FAM133A: variants seen among roughly 807,000 people sequenced by gnomAD.
FAM133A encodes the protein family with sequence similarity 133 member A.
For synonymous variants in FAM133A, 65 were observed against 58.6 expected (o/e 1.11, Z -0.50); for missense variants, 159 against 164.4 (o/e 0.97, Z 0.18).
chrX:93,678,950 C>T (rs1200344824), intron 2 of FAM133A, among the ~76,000 whole-genome samples: 1 of 111,853 alleles, frequency 8.9e-6, no homozygotes, highest in African/African-American at 3.2e-5. Flanking sequence ...CATCCTTGAC[C>T]TTTCACTTCT....
chrX:93,692,194 A>G (rs146894550), intron 2 of FAM133A, among the ~76,000 whole-genome samples: 1,868 of 111,752 alleles, frequency 0.017, 46 homozygotes, highest in African/African-American at 0.057. Flanking sequence ...AAATGCTCCA[A>G]TGAATATTTC....
chrX:93,688,973 T>C (rs1307720819), intron 2 of FAM133A, among the ~76,000 whole-genome samples: 1 of 111,204 alleles, frequency 9.0e-6, no homozygotes, highest in Non-Finnish European at 1.9e-5. Context: ...CATAAAGGGA[T>C]TATGTTGGAA....
chrX:93,678,781 G>C (rs1274273557), intron 2 of FAM133A, among the ~76,000 whole-genome samples: 1 of 111,642 alleles, frequency 9.0e-6, no homozygotes, highest in Non-Finnish European at 1.9e-5. Context: ...TGTATGTGTG[G>C]GTCTATGTTG....
chrX:93,695,634 CTTT>C (rs759503397), intron 2 of FAM133A, among the ~76,000 whole-genome samples: 3 of 48,369 alleles, frequency 6.2e-5, no homozygotes, highest in African/African-American at 2.3e-4. Flanking sequence ...CAGGAATCTG[CTTT>C]TTTTTTTTTT....
In FAM133A at chrX:93,682,656, C is replaced by T. The variant is rs143499948; in HGVS notation, c.-193+7904C>T. 2.7e-5 allele frequency among the ~76,000 whole-genome samples: 3 copies of T among 111,292 alleles called. No homozygotes were observed. The Admixed American group carries it at 2.9e-4, about 11-fold the overall frequency. ...TTGAGACAAAGTTTTGCTCTTGTTG[C>T]CCATGCTGGAGTGCAATGGTGTGAT... On this transcript the variant is annotated intron_variant, in intron 2 of 3. Transcript: ENST00000683942.
At position 93,709,640 on chromosome X, in the gene FAM133A, A is replaced by T. The variant is rs755749522; in HGVS notation, c.221A>T (p.Glu74Val). 4 of 1,192,734 alleles carry T rather than the reference A, an allele frequency of 3.4e-6. No individual in the cohort carries two copies. In the East Asian group the frequency reaches 1.2e-4, roughly 35 times the overall value. Residue 74 changes from glutamate to valine, a missense_variant, in exon 4 of 4, where the codon GAA becomes GTA. Glu to Val is a moderately radical substitution (Grantham distance 121, BLOSUM62 -2). Transcript: ENST00000683942. ...KMNENWKKEL[E>V]KSREKLLSGN... is the part of the protein sequence containing the mutation. ...AATGAAAATTGGAAGAAAGAACTTG[A>T]AAAAAGCAGAGAGAAATTATTAAGT... is the stretch of plus-strand genomic sequence containing the variant.
chrX:93,704,592 G>C (rs747795340), intron 3 of FAM133A, among the ~76,000 whole-genome samples: 2 of 111,574 alleles, frequency 1.8e-5, no homozygotes, highest in Non-Finnish European at 3.8e-5. Flanking sequence ...AAATTCATTG[G>C]AATCATTTGT....
At chrX:93,673,951 C>G (rs1297821674), upstream of FAM133A, 1 of 99,159 alleles carries the variant, frequency 1.0e-5, no homozygotes, top group African/African-American at 4.0e-5. Flanking sequence ...CCCTGAATTC[C>G]CGTTTAGTTT....
chrX:93,698,361 A>G (rs1926453362), intron 2 of FAM133A, 36 bp from the exon 3 acceptor site: 1 of 111,818 alleles, frequency 8.9e-6, no homozygotes, highest in African/African-American at 3.2e-5. Context: ...AACTTTGACA[A>G]ACATTATCTT....
intron 2 of FAM133A, among the ~76,000 whole-genome samples, chrX:93,679,227 A>G (rs1924932683): frequency 9.0e-6 from 1 of 111,207 alleles, no homozygotes; most frequent in South Asian, 3.8e-4. Flanking sequence ...TTATAGTTAA[A>G]AAAAGAATAG....
Position 93,710,257 on chromosome X carries a change from G to C in FAM133A, c.*91G>C. On this transcript the variant is annotated 3_prime_UTR_variant, in exon 4 of 4. Coordinates refer to ENST00000683942, the MANE Select transcript of FAM133A (RefSeq NM_001171109.2). Reference sequence around the variant, plus strand: ...TTTGAGTTGCCTATCAAATCCCACTGTGCCAGTAAGGGGCATAGTGGCTGC... The same window carrying C: ...TTTGAGTTGCCTATCAAATCCCACTCTGCCAGTAAGGGGCATAGTGGCTGC... 1 of 1,009,148 alleles carries C rather than the reference G, an allele frequency of 9.9e-7. No homozygotes were observed. The highest frequency in any genetic ancestry group is 1.3e-6 in the Non-Finnish European group (1 of 765,047). The allele number at this position is 1,009,148 out of a possible 1,213,427, so 83.2% of individuals were successfully genotyped here.
Position 93,709,683 on chromosome X carries a change from T to TA in FAM133A, c.271dup (p.Arg91LysfsTer22), listed in dbSNP as rs1358655811. The TA allele has an allele frequency of 2.5e-6, 3 of 1,194,499 alleles. No homozygotes were observed. Among genetic ancestry groups the TA allele is most frequent in the Non-Finnish European group, 3.4e-6 (3 of 889,777 alleles). ...TATTAAGTGGAAATGAGAGCTCATCTAAAAAAAGAGAAAGAAAGAAAAAGA... is the reference window on the plus strand; with the variant it reads ...TATTAAGTGGAAATGAGAGCTCATCTAAAAAAAAGAGAAAGAAAGAAAAAGA... On this transcript the variant is annotated frameshift_variant, in exon 4 of 4. Transcript: ENST00000683942. LOFTEE classifies it low-confidence loss of function (END_TRUNC).
chrX:93,691,099 C>A (rs1925858088), intron 2 of FAM133A, among the ~76,000 whole-genome samples: 1 of 111,355 alleles, frequency 9.0e-6, no homozygotes, highest in Non-Finnish European at 1.9e-5. Flanking sequence ...GCAATATTTT[C>A]TCTTATGTTC....
intron 2 of FAM133A, among the ~76,000 whole-genome samples, chrX:93,680,358 G>A (rs759308553): frequency 9.0e-6 from 1 of 111,066 alleles, no homozygotes; most frequent in African/African-American, 3.3e-5. Flanking sequence ...TGGACACTTA[G>A]GTTTATTCCA....
Position 93,698,457 on chromosome X carries a change from AGT to A in FAM133A, c.-125_-124del, listed in dbSNP as rs1243894303. ...TGGAAAAGGTGAGAGGAAAACCTAG[AGT>A]GTGTGTTATCCTGCAAGCCAATTGA... On this transcript the variant is annotated 5_prime_UTR_variant, in exon 3 of 4. It removes the in-frame stop codon of an upstream open reading frame in the 5' UTR. Transcript: ENST00000683942. 1 of 111,799 alleles carries A rather than the reference AGT, an allele frequency of 8.9e-6. No individual in the cohort carries two copies. Among genetic ancestry groups the A allele is most frequent in the Non-Finnish European group, 1.9e-5 (1 of 53,098 alleles). 9.2% of individuals were successfully genotyped at this position (111,799 alleles called of 1,213,427 possible). A position where few individuals can be genotyped will look rare whatever the true frequency, so the allele number is the denominator to read the frequency against.
intron 2 of FAM133A, among the ~76,000 whole-genome samples, chrX:93,677,239 C>T (rs1924776185): frequency 9.1e-6 from 1 of 110,267 alleles, no homozygotes; most frequent in African/African-American, 3.3e-5. Flanking sequence ...GAACATAGTA[C>T]ATTAACATCT....
intron 2 of FAM133A, among the ~76,000 whole-genome samples, chrX:93,681,989 C>A (rs1020144904): frequency 1.8e-5 from 2 of 111,690 alleles, no homozygotes; most frequent in Non-Finnish European, 3.8e-5. Context: ...TGCCCCTTAG[C>A]CTCTCAGATA....
chrX:93,710,327 T>G lies in FAM133A; in HGVS notation c.*161T>G, dbSNP rs1602859333. 6.0e-6 allele frequency: 3 copies of G among 502,425 alleles called. No homozygotes were observed. The African/African-American group carries it at 7.5e-5, about 13-fold the overall frequency. 41.4% of individuals were successfully genotyped at this position (502,425 alleles called of 1,213,427 possible). A position where few individuals can be genotyped will look rare whatever the true frequency, so the allele number is the denominator to read the frequency against. Reference sequence around the variant, plus strand: ...TTTTGTTTGTTTGCTTGTCCTTCCTTCTAATGGTTAATTCCTCTGAGAGCT... The same window carrying G: ...TTTTGTTTGTTTGCTTGTCCTTCCTGCTAATGGTTAATTCCTCTGAGAGCT... On this transcript the variant is annotated 3_prime_UTR_variant, in exon 4 of 4. Transcript: ENST00000683942.
intron 2 of FAM133A, among the ~76,000 whole-genome samples, chrX:93,691,376 A>C (rs1372969643): frequency 8.9e-6 from 1 of 112,159 alleles, no homozygotes; most frequent in Non-Finnish European, 1.9e-5. Flanking sequence ...AGATGGATAC[A>C]CAAATGTCCA....
Sources: allele counts gnomAD v4.1 joint callset (sites outside exome capture counted in the v4.1 genomes callset), GRCh38; gene constraint gnomAD v4.1.1; transcripts MANE v1.5; gene names NCBI Gene and HGNC (gene_info 2026-07-23, HGNC 2026-07-21).